PIK3R4: variants seen among roughly 807,000 people sequenced by gnomAD.
The protein encoded by PIK3R4 is phosphoinositide-3-kinase regulatory subunit 4.
PIK3R4 carries 46 observed loss-of-function variants against 136.5 expected under a neutral mutation model. The ratio of observed to expected loss-of-function variants is 0.34; its 90% confidence interval spans 0.27 to 0.43. The LOEUF is 0.43. Among genes scored for constraint, PIK3R4 ranks in the 20% least tolerant of loss-of-function variants. The probability of loss-of-function intolerance (pLI) is 1.00; values close to 1 mark genes in which losing one functional copy is unlikely to be tolerated. For synonymous variants in PIK3R4, 557 were observed against 566.7 expected (o/e 0.98, Z 0.24); for missense variants, 1,331 against 1,649.5 (o/e 0.81, Z 3.35).
At chr3:130,717,475 C>A (rs2066672067) in intron 8 of PIK3R4, among the ~76,000 whole-genome samples, 2 of 151,976 alleles carry the variant, frequency 1.3e-5, no homozygotes, top group African/African-American at 4.8e-5. Context: ...TCTAAAAAGG[C>A]ATTTTTTTCT....
At chr3:130,696,702 A>T (rs1373947578) in intron 13 of PIK3R4, among the ~76,000 whole-genome samples, 3 of 152,206 alleles carry the variant, frequency 2.0e-5, no homozygotes, top group Non-Finnish European at 4.4e-5. Context: ...ATGTACACTT[A>T]AGGAAGATTT....
intron 2 of PIK3R4, among the ~76,000 whole-genome samples, chr3:130,744,150 A>G (rs1018459630): frequency 6.6e-6 from 1 of 152,234 alleles, no homozygotes; most frequent in African/African-American, 2.4e-5. Flanking sequence ...CCGCATTGAA[A>G]TGTCCTTTTG....
At chr3:130,716,720 CATCTGT>C (rs2066666911) in intron 8 of PIK3R4, 121 bp from the exon 9 acceptor site, 3 of 651,336 alleles carry the variant, frequency 4.6e-6, no homozygotes, top group Non-Finnish European at 7.8e-6. Flanking sequence ...AAGATATCAA[CATCTGT>C]AAGTGTGTAG....
intron 17 of PIK3R4, 78 bp from the exon 18 acceptor site, chr3:130,681,143 G>A: frequency 1.2e-6 from 1 of 851,698 alleles, no homozygotes; most frequent in Non-Finnish European, 2.0e-6. Context: ...CTAGAGGCAA[G>A]TTAACTGTCA....
chr3:130,720,430 G>C (rs1007463672), intron 7 of PIK3R4, among the ~76,000 whole-genome samples: 1 of 152,148 alleles, frequency 6.6e-6, no homozygotes, highest in Non-Finnish European at 1.5e-5. Flanking sequence ...CCTGACCTCA[G>C]GTGATCCGCC....
intron 9 of PIK3R4, among the ~76,000 whole-genome samples, chr3:130,714,051 A>G (rs1480558181): frequency 6.6e-6 from 1 of 152,184 alleles, no homozygotes; most frequent in African/African-American, 2.4e-5. Flanking sequence ...CTGAAGAAAC[A>G]CTTAGATTGA....
intron 13 of PIK3R4, among the ~76,000 whole-genome samples, chr3:130,692,616 G>A (rs1219202826): frequency 1.8e-4 from 27 of 152,166 alleles, no homozygotes; most frequent in Admixed American, 1.7e-3. Context: ...AAACATGTGA[G>A]TCATTTCCAC....
Position 130,745,276 on chromosome 3 carries a change from A to G in PIK3R4, c.-46-12T>C. ...TTAGGATATAATACCTGTTTAAAAT[A>G]AAAACAAATGAAGAAAAAAGACAAG... On this transcript the variant is annotated splice_polypyrimidine_tract_variant and intron_variant, in intron 1 of 19. Transcript: ENST00000356763. The G allele has an allele frequency of 6.8e-7, 1 of 1,468,740 alleles. No homozygotes were observed. Among genetic ancestry groups the G allele is most frequent in the Non-Finnish European group, 9.1e-7 (1 of 1,102,934 alleles). The allele number at this position is 1,468,740 out of a possible 1,614,324, so 91.0% of individuals were successfully genotyped here. A position where few individuals can be genotyped will look rare whatever the true frequency, so the allele number is the denominator to read the frequency against.
At chr3:130,696,413 T>A (rs932267473) in intron 13 of PIK3R4, among the ~76,000 whole-genome samples, 1 of 152,110 alleles carries the variant, frequency 6.6e-6, no homozygotes, top group Non-Finnish European at 1.5e-5. Flanking sequence ...TAAATTTCCC[T>A]TTTAGTACTC....
intron 9 of PIK3R4, among the ~76,000 whole-genome samples, chr3:130,714,858 T>C (rs984136875): frequency 1.3e-5 from 2 of 152,202 alleles, no homozygotes; most frequent in African/African-American, 4.8e-5. Flanking sequence ...TGATGGGCAT[T>C]TGGGTTGGTT....
At chr3:130,734,701 A>G (rs1368145030) in intron 3 of PIK3R4, among the ~76,000 whole-genome samples, 1 of 151,850 alleles carries the variant, frequency 6.6e-6, no homozygotes, top group Non-Finnish European at 1.5e-5. Flanking sequence ...AATTCTGCAA[A>G]CACTAGAAAT....
chr3:130,681,672 G>GAGAA, intron 16 of PIK3R4, 81 bp from the exon 17 acceptor site: 2 of 763,702 alleles, frequency 2.6e-6, no homozygotes, highest in East Asian at 5.1e-5. Flanking sequence ...GCAGTCCTGA[G>GAGAA]AGAAAGAAAG....
intron 16 of PIK3R4, among the ~76,000 whole-genome samples, chr3:130,683,582 C>T (rs2066471642): frequency 6.6e-6 from 1 of 152,074 alleles, no homozygotes; most frequent in Non-Finnish European, 1.5e-5. Context: ...AACACGGTGA[C>T]TTTGATAGCA....
chr3:130,694,305 C>T (rs1035648298), intron 13 of PIK3R4, among the ~76,000 whole-genome samples: 2 of 150,338 alleles, frequency 1.3e-5, no homozygotes, highest in African/African-American at 2.4e-5. Context: ...TCATCGATTT[C>T]AGGGAAAAAA....
At chr3:130,735,441 C>T (rs58221214) in intron 3 of PIK3R4, among the ~76,000 whole-genome samples, 2,334 of 152,258 alleles carry the variant, frequency 0.015, 86 homozygotes, top group African/African-American at 0.052. Context: ...TATATTAATA[C>T]AAAGCTATTT....
intron 7 of PIK3R4, among the ~76,000 whole-genome samples, chr3:130,723,122 A>C (rs1224492909): frequency 3.5e-4 from 53 of 150,752 alleles, no homozygotes; most frequent in African/African-American, 1.2e-3. Flanking sequence ...AAGAAAGCCA[A>C]AACAAAAACC....
At chr3:130,714,794 C>G (rs952761503) in intron 9 of PIK3R4, among the ~76,000 whole-genome samples, 1 of 152,150 alleles carries the variant, frequency 6.6e-6, no homozygotes, top group Admixed American at 6.5e-5. Context: ...CTTTTTATGG[C>G]TGCATAGTGT....
chr3:130,715,470 G>A (rs977874546), intron 9 of PIK3R4, among the ~76,000 whole-genome samples: 3 of 152,072 alleles, frequency 2.0e-5, no homozygotes, highest in African/African-American at 7.2e-5. Context: ...GCATGAGATG[G>A]TGTCTCATTG....
At chr3:130,687,179 C>T (rs2107600386) in intron 14 of PIK3R4, among the ~76,000 whole-genome samples, 1 of 151,616 alleles carries the variant, frequency 6.6e-6, no homozygotes, top group East Asian at 2.0e-4. Flanking sequence ...ATACCTTATA[C>T]ACCTAGCCTG....
Sources: allele counts gnomAD v4.1 joint callset (sites outside exome capture counted in the v4.1 genomes callset), GRCh38; gene constraint gnomAD v4.1.1; transcripts MANE v1.5; gene names NCBI Gene and HGNC (gene_info 2026-07-23, HGNC 2026-07-21).